TLN2: variants seen among roughly 807,000 people sequenced by gnomAD.
TLN2 encodes talin-2.
In TLN2, 118 loss-of-function variants were observed where a neutral mutation model predicts 294.7. That is an observed-to-expected ratio of 0.40 (90% CI 0.34 to 0.47). The LOEUF is 0.47. Ranked by LOEUF, TLN2 falls within the 20% of genes least tolerant of loss-of-function variation. The pLI is 0.84. For missense variants in TLN2, 3,083 were observed against 3,282.2 expected, an observed-to-expected ratio of 0.94 and a Z score of 1.48; for synonymous variants, 1,431 against 1,304.5, an observed-to-expected ratio of 1.10 and a Z score of -2.09.
At chr15:62,517,156 C>G (rs942112464) in intron 1 of TLN2, among the ~76,000 whole-genome samples, 2 of 152,198 alleles carry the variant, frequency 1.3e-5, no homozygotes, top group Admixed American at 1.3e-4. Context: ...GATTACCAAA[C>G]CTTCGCCGTT....
At chr15:62,731,351 C>G (rs182011180) in intron 28 of TLN2, among the ~76,000 whole-genome samples, 81 of 133,248 alleles carry the variant, frequency 6.1e-4, no homozygotes, top group African/African-American at 2.2e-3. Flanking sequence ...CTTTTTTTTT[C>G]TTTAAGACTG....
At chr15:62,401,422 T>G (rs542371466) in intron 1 of TLN2, among the ~76,000 whole-genome samples, 1 of 152,266 alleles carries the variant, frequency 6.6e-6, no homozygotes, top group Admixed American at 6.5e-5. Context: ...GAATTGGTAG[T>G]GATAGTGGAG....
intron 2 of TLN2, among the ~76,000 whole-genome samples, chr15:62,615,909 A>G (rs973431785): frequency 1.3e-5 from 2 of 152,110 alleles, no homozygotes; most frequent in African/African-American, 4.8e-5. Flanking sequence ...AAGATGATAG[A>G]GAATATCTTG....
chr15:62,688,037 G>A (rs925165135), intron 12 of TLN2: 2 of 152,204 alleles, frequency 1.3e-5, no homozygotes, highest in Admixed American at 6.5e-5. Flanking sequence ...GTGGTAGAAA[G>A]TGAAGTTGGG....
intron 1 of TLN2, among the ~76,000 whole-genome samples, chr15:62,402,700 A>G (rs193139703): frequency 1.3e-5 from 2 of 152,164 alleles, no homozygotes; most frequent in South Asian, 2.1e-4. Context: ...CAGGTCCACT[A>G]TGTTTCTATA....
chr15:62,776,828 T>C lies in TLN2; in HGVS notation c.5432T>C (p.Ile1811Thr), dbSNP rs1206828898. ...TTGATGAAGGAAGCCGTGGATGACA[T>C]CATGGTGACGCTGAACGAAGCTGCC... ...AQLMKEAVDDIMVTLNEAASE... is the reference protein window; with the variant it reads ...AQLMKEAVDDTMVTLNEAASE... The change falls in exon 43 of 59, where the codon ATC (isoleucine) becomes ACC (threonine). Residue 1811 changes from isoleucine (I) to threonine (T), a missense_variant. Physicochemically the swap from Ile to Thr is moderately conservative, Grantham distance 89. Coordinates refer to ENST00000636159, the MANE Select transcript of TLN2 (RefSeq NM_015059.3). 6.2e-7 allele frequency: 1 copy of C among 1,601,148 alleles called. No individual in the cohort carries two copies. The highest frequency in any genetic ancestry group is 1.1e-5 in the South Asian group (1 of 89,498).
chr15:62,428,069 C>T (rs2034814032), intron 1 of TLN2, among the ~76,000 whole-genome samples: 1 of 152,026 alleles, frequency 6.6e-6, no homozygotes, highest in African/African-American at 2.4e-5. Context: ...CATCATTGTG[C>T]CACCACCCCC....
intron 1 of TLN2, among the ~76,000 whole-genome samples, chr15:62,450,053 G>A (rs2036013955): frequency 6.6e-6 from 1 of 152,088 alleles, no homozygotes; most frequent in Non-Finnish European, 1.5e-5. Context: ...CCCGTACCTG[G>A]ACCCCAACTT....
At chr15:62,820,693 A>G in intron 54 of TLN2, 83 bp downstream of exon 54, 1 of 1,536,178 alleles carries the variant, frequency 6.5e-7, no homozygotes, top group Non-Finnish European at 8.8e-7. Context: ...GGAGTGCTGC[A>G]GGGAGCTTGG....
At chr15:62,785,237 A>T (rs182026002) in intron 45 of TLN2, among the ~76,000 whole-genome samples, 45 of 150,642 alleles carry the variant, frequency 3.0e-4, no homozygotes, top group Admixed American at 5.3e-4. Flanking sequence ...CAGGCCTATC[A>T]TTTTTTTTTT....
At position 62,739,557 on chromosome 15, in the gene TLN2, G is replaced by A. The variant is rs527965213; in HGVS notation, c.3885+12G>A. ...CTGGCCAAGCTCAGGTGGGTGTGGA[G>A]GTGGTTGTCTGGAGTTGACCTTAGC... On this transcript the variant is annotated intron_variant, in intron 31 of 58. Transcript: ENST00000636159. The A allele has an allele frequency of 2.5e-6, 4 of 1,613,992 alleles. No homozygotes were observed. In the African/African-American group the frequency reaches 5.3e-5, roughly 22 times the overall value.
intron 54 of TLN2, chr15:62,829,901 C>A (rs930185325): frequency 1.6e-4 from 25 of 152,310 alleles, no homozygotes; most frequent in African/African-American, 5.5e-4. Flanking sequence ...GTTTGTCTTT[C>A]TGTGCCTGGC....
chr15:62,650,203 T>A, intron 5 of TLN2, 22 bp downstream of exon 5: 1 of 1,612,434 alleles, frequency 6.2e-7, no homozygotes, highest in South Asian at 1.1e-5. Flanking sequence ...ATCCCAGTGC[T>A]GTTTCTTCAT....
chr15:62,401,959 A>G (rs1242723486), intron 1 of TLN2, among the ~76,000 whole-genome samples: 1 of 152,182 alleles, frequency 6.6e-6, no homozygotes, highest in Non-Finnish European at 1.5e-5. Context: ...TAGTGAGGCT[A>G]CTGAACACCC....
chr15:62,565,910 CTGTGTGTGTGTGTG>C (rs71718001), intron 1 of TLN2, among the ~76,000 whole-genome samples: 2 of 148,388 alleles, frequency 1.3e-5, no homozygotes, highest in Non-Finnish European at 3.0e-5. Context: ...TGTTTACTAG[CTGTGTGTGTGTGTG>C]TGTGTGTGTG....
chr15:62,796,301 G>C lies in TLN2; in HGVS notation c.6050+8G>C, dbSNP rs763826995. ...GACCTTCGCAGACCACAGGTACGTG[G>C]GGGTCCTGGACGGGGAGAGGTTCAG... is the stretch of plus-strand genomic sequence containing the variant. On this transcript the variant is annotated splice_region_variant and intron_variant, in intron 47 of 58. Transcript: ENST00000636159. The C allele has an allele frequency of 6.2e-7, 1 of 1,611,076 alleles. No individual in the cohort carries two copies.
chr15:62,503,772 C>A (rs548469122), intron 1 of TLN2, among the ~76,000 whole-genome samples: 9 of 152,152 alleles, frequency 5.9e-5, no homozygotes, highest in African/African-American at 1.9e-4. Flanking sequence ...CATTCCTCTC[C>A]GTTCTGTGAG....
At chr15:62,549,475 G>GCCATCCATCCATCCATCCATCCAT (rs774084813) in intron 1 of TLN2, among the ~76,000 whole-genome samples, 7 of 125,212 alleles carry the variant, frequency 5.6e-5, no homozygotes, top group Admixed American at 8.6e-5. Context: ...TGCCATGCAT[G>GCCATCCATCCATCCATCCATCCAT]CCATGCATCC....
chr15:62,556,570 A>C (rs888995827), intron 1 of TLN2, among the ~76,000 whole-genome samples: 1 of 152,068 alleles, frequency 6.6e-6, no homozygotes, highest in Non-Finnish European at 1.5e-5. Flanking sequence ...CGGTGCTGGA[A>C]TTACAGGTGT....
Sources: gnomAD v4.1 joint callset for allele counts (sites outside exome capture counted in the v4.1 genomes callset) on GRCh38, gnomAD v4.1.1 for gene constraint, MANE v1.5 for transcripts, NCBI Gene and HGNC (gene_info 2026-07-23, HGNC 2026-07-21) for gene names.